DENND2A: variants seen among roughly 807,000 people sequenced by gnomAD.
DENND2A encodes the protein DENN domain containing 2A.
In DENND2A, 53 loss-of-function variants were observed where a neutral mutation model predicts 105.3. That is an observed-to-expected ratio of 0.50 (90% confidence interval 0.40 to 0.63). The LOEUF is 0.63. Among genes scored for constraint, DENND2A ranks in the 30% least tolerant of loss-of-function variants. DENND2A has a pLI of 0.00. For missense variants in DENND2A, 1,138 were observed against 1,279.6 expected (o/e 0.89, Z 1.69); for synonymous variants, 522 against 508.4 (o/e 1.03, Z -0.36).
At chr7:140,564,238 G>A (rs1199516020) in intron 9 of DENND2A, among the ~76,000 whole-genome samples, 1 of 149,794 alleles carries the variant, frequency 6.7e-6, no homozygotes, top group East Asian at 2.0e-4. Context: ...AGCCAAGATT[G>A]CACCACTGCA....
At chr7:140,601,291 TC>T in intron 3 of DENND2A, 111 bp downstream of exon 3, 1 of 1,395,162 alleles carries the variant, frequency 7.2e-7, no homozygotes, top group Non-Finnish European at 9.6e-7. Context: ...GACTACAAGA[TC>T]CATCAGTTTA....
intron 1 of DENND2A, among the ~76,000 whole-genome samples, chr7:140,639,935 C>T (rs1042682063): frequency 1.1e-4 from 17 of 152,330 alleles, no homozygotes; most frequent in Non-Finnish European, 1.6e-4. Context: ...CCAGACTTCC[C>T]CTGGGCTCCA....
intron 1 of DENND2A, among the ~76,000 whole-genome samples, chr7:140,637,133 G>A (rs1193867633): frequency 3.3e-4 from 46 of 138,246 alleles, no homozygotes; most frequent in Admixed American, 9.0e-4. Context: ...TACAGGCGTA[G>A]GCCACTGTGC....
chr7:140,587,203 T>C (rs1465449520), intron 4 of DENND2A, among the ~76,000 whole-genome samples: 3 of 152,214 alleles, frequency 2.0e-5, no homozygotes, highest in African/African-American at 4.8e-5. Context: ...GCATCTGTCA[T>C]ATGTGAGGTA....
chr7:140,544,843 G>C (rs1177154613), intron 13 of DENND2A, 77 bp from the exon 14 acceptor site: 1 of 1,541,744 alleles, frequency 6.5e-7, no homozygotes, highest in Non-Finnish European at 8.8e-7. Flanking sequence ...CGCAGTCCCA[G>C]GGCTCTGAGG....
chr7:140,533,918 G>A (rs1017082768), intron 14 of DENND2A, among the ~76,000 whole-genome samples: 1 of 151,816 alleles, frequency 6.6e-6, no homozygotes, highest in African/African-American at 2.4e-5. Context: ...CCTCGTCAAC[G>A]TTTTTTCTTT....
chr7:140,576,909 G>A (rs1798323332), intron 5 of DENND2A, among the ~76,000 whole-genome samples: 1 of 152,182 alleles, frequency 6.6e-6, no homozygotes, highest in Admixed American at 6.5e-5. Context: ...GGAAAACGTA[G>A]GTTCTGCTTT....
chr7:140,621,847 T>C (rs1318260326), intron 1 of DENND2A, among the ~76,000 whole-genome samples: 4 of 152,216 alleles, frequency 2.6e-5, no homozygotes, highest in African/African-American at 9.6e-5. Context: ...AAGATTGGGC[T>C]GAATTTCGTT....
Position 140,601,694 on chromosome 7 carries a change from C to T in DENND2A, c.704G>A (p.Arg235Lys). ...CCAGGGCCTTCTGCATGAACCTTTC[C>T]TGTCCTCCACAAGCTCAGGGGTGGG... The part of the protein sequence containing the change: ...REPTPELVED[R>K]KGSCRRPWDR... The change falls in exon 3 of 20, where the codon AGG becomes AAG. Residue 235 changes from arginine to lysine, a missense_variant. Around this residue, in one of 2 missense-constraint regions of DENND2A, gnomAD observed 511 missense variants for 499.9 expected, o/e 1.02. Transcript: ENST00000496613. 6.2e-7 allele frequency: 1 copy of T among 1,614,092 alleles called. No homozygotes were observed. Among genetic ancestry groups the T allele is most frequent in the Non-Finnish European group, 8.5e-7 (1 of 1,179,974 alleles).
intron 5 of DENND2A, among the ~76,000 whole-genome samples, chr7:140,580,011 A>G (rs1798473672): frequency 6.6e-6 from 1 of 152,184 alleles, no homozygotes; most frequent in East Asian, 1.9e-4. Context: ...GTGGACGCCC[A>G]TAGTCCCAGC....
In DENND2A at chr7:140,567,279, T is replaced by TGAGG; in HGVS notation, c.1592-10_1592-7dup. On this transcript the variant is annotated splice_polypyrimidine_tract_variant and splice_region_variant and intron_variant, in intron 8 of 19. Transcript: ENST00000496613. ...GACCAGGCGCTGGCTGTGAGCTGGG[T>TGAGG]GAGGGAGGGAGAGAGAAAGAGAGAA... 1 of 1,503,622 alleles carries TGAGG rather than the reference T, an allele frequency of 6.7e-7. No individual in the cohort carries two copies. The allele number at this position is 1,503,622 out of a possible 1,614,324, so 93.1% of individuals were successfully genotyped here. A position where few individuals can be genotyped will look rare whatever the true frequency, so the allele number is the denominator to read the frequency against.
intron 3 of DENND2A, among the ~76,000 whole-genome samples, chr7:140,599,858 T>G (rs1362865009): frequency 6.6e-6 from 1 of 152,060 alleles, no homozygotes; most frequent in Non-Finnish European, 1.5e-5. Flanking sequence ...CAGACCATGC[T>G]GAGTGGGGGG....
chr7:140,581,989 G>C (rs1798566057), intron 5 of DENND2A, among the ~76,000 whole-genome samples: 1 of 148,534 alleles, frequency 6.7e-6, no homozygotes, highest in Non-Finnish European at 1.5e-5. Context: ...TTTTGAGACA[G>C]AGTTTCACTC....
At chr7:140,536,973 T>C (rs914501174) in intron 14 of DENND2A, among the ~76,000 whole-genome samples, 1 of 152,196 alleles carries the variant, frequency 6.6e-6, no homozygotes, top group Admixed American at 6.5e-5. Flanking sequence ...AAAATTGTGT[T>C]TTTCATAGGA....
intron 18 of DENND2A, 88 bp downstream of exon 18, chr7:140,521,767 G>A: frequency 6.4e-7 from 1 of 1,566,858 alleles, no homozygotes; most frequent in African/African-American, 1.3e-5. Context: ...CTGTGCCCCT[G>A]CCCTGTGATC....
chr7:140,637,703 C>T lies in DENND2A; in HGVS notation c.-248+2801G>A, dbSNP rs7777783. 7.2e-3 allele frequency among the ~76,000 whole-genome samples: 1,093 copies of T among 152,312 alleles called. 16 individuals are homozygous for T. Among genetic ancestry groups the T allele is most frequent in the African/African-American group, 0.025 (1,033 of 41,564 alleles). On this transcript the variant is annotated intron_variant, in intron 1 of 19. Transcript: ENST00000496613. ...GGAATCCTATAATGCTGTGTGAACT[C>T]CCTGCCTGCTTCCCCGGGGGTCAGG...
intron 1 of DENND2A, among the ~76,000 whole-genome samples, chr7:140,635,136 A>C (rs1369287231): frequency 6.6e-6 from 1 of 151,432 alleles, no homozygotes; most frequent in South Asian, 2.1e-4. Context: ...GGTGGTGCGC[A>C]CCTATAGTCC....
chr7:140,601,765 T>C lies in DENND2A; in HGVS notation c.633A>G (p.Ser211=), dbSNP rs963610364. The change falls in exon 3 of 20, where the codon TCA becomes TCG. Residue 211 remains serine, a synonymous_variant. Coordinates refer to ENST00000496613, the MANE Select transcript of DENND2A (RefSeq NM_015689.5). ...AGGGGTGGACCCTCTGGCTGACTTC[T>C]GAGCCACTCCCGCCTCCCAGGTTCT... ...LPENLGGGSG[S]EVSQRVHPSD... is the part of the protein sequence containing the mutation. The C allele has an allele frequency of 4.3e-6, 7 of 1,613,924 alleles. No individual in the cohort carries two copies. The highest frequency in any genetic ancestry group is 5.9e-6 in the Non-Finnish European group (7 of 1,179,992).
At chr7:140,538,085 G>C (rs1226803426) in intron 14 of DENND2A, among the ~76,000 whole-genome samples, 2 of 152,126 alleles carry the variant, frequency 1.3e-5, no homozygotes, top group African/African-American at 4.8e-5. Context: ...AGATAAAACA[G>C]AGCAAAAATG....
Sources: gnomAD v4.1 joint callset for allele counts (sites outside exome capture counted in the v4.1 genomes callset) on GRCh38, gnomAD v4.1.1 for gene constraint, gnomAD v4.1.1 regional missense constraint, MANE v1.5 for transcripts, NCBI Gene and HGNC (gene_info 2026-07-23, HGNC 2026-07-21) for gene names.